CPEB1: variants seen among roughly 807,000 people sequenced by gnomAD.
CPEB1 encodes cytoplasmic polyadenylation element binding protein 1, also known as cytoplasmic polyadenylation element-binding protein 1.
Under a neutral mutation model 65.8 loss-of-function variants are expected in CPEB1, and 7 were observed. The ratio of observed to expected loss-of-function variants is 0.11; its 90% confidence interval spans 0.06 to 0.20. The LOEUF is 0.20. CPEB1 is among the 10% of genes least tolerant of loss of function. The probability of loss-of-function intolerance (pLI) is 1.00; values close to 1 mark genes in which losing one functional copy is unlikely to be tolerated. For missense variants in CPEB1, 551 were observed against 712.2 expected, an observed-to-expected ratio of 0.77 and a Z score of 2.58; for synonymous variants, 262 against 260.0, an observed-to-expected ratio of 1.01 and a Z score of -0.08.
At chr15:82,620,384 C>T (rs953271033) in intron 3 of CPEB1, among the ~76,000 whole-genome samples, 5 of 149,812 alleles carry the variant, frequency 3.3e-5, no homozygotes, top group Non-Finnish European at 7.4e-5. Context: ...AAGATCACAC[C>T]ACTGCACTGT....
upstream of CPEB1, chr15:82,647,797 C>T: frequency 7.9e-7 from 1 of 1,268,600 alleles, no homozygotes; most frequent in African/African-American, 1.6e-5. Flanking sequence ...TGCGCGCGGA[C>T]CGTTAGCTAC....
intron 1 of CPEB1, among the ~76,000 whole-genome samples, chr15:82,632,077 G>C (rs963470502): frequency 6.6e-6 from 1 of 150,828 alleles, no homozygotes; most frequent in Non-Finnish European, 1.5e-5. Context: ...CGCCTCCCGG[G>C]TTCACAGGAT....
At chr15:82,578,824 G>A (rs1211208949) in intron 3 of CPEB1, among the ~76,000 whole-genome samples, 1 of 152,050 alleles carries the variant, frequency 6.6e-6, no homozygotes, top group Non-Finnish European at 1.5e-5. Context: ...AAAATTACAT[G>A]TTTTTTTGTT....
chr15:82,573,389 A>G (rs965396727), intron 3 of CPEB1, among the ~76,000 whole-genome samples: 1 of 123,634 alleles, frequency 8.1e-6, no homozygotes, highest in Non-Finnish European at 1.7e-5. Context: ...TGCTGCCCCT[A>G]CCCCTGACTA....
At chr15:82,564,510 GT>G (rs1280292907) in intron 4 of CPEB1, among the ~76,000 whole-genome samples, 1 of 151,972 alleles carries the variant, frequency 6.6e-6, no homozygotes, top group African/African-American at 2.4e-5. Context: ...AGCCAGGATG[GT>G]CTTGATCTCC....
intron 3 of CPEB1, among the ~76,000 whole-genome samples, chr15:82,595,139 T>C (rs963017368): frequency 1.2e-4 from 19 of 152,222 alleles, no homozygotes; most frequent in Non-Finnish European, 2.2e-4. Flanking sequence ...TATAAAACGC[T>C]GTATCTGTGA....
intron 12 of CPEB1, among the ~76,000 whole-genome samples, chr15:82,545,326 C>G (rs2034981492): frequency 6.6e-6 from 1 of 152,222 alleles, no homozygotes; most frequent in Non-Finnish European, 1.5e-5. Flanking sequence ...ACTTCAAACT[C>G]TCACTTGAGA....
intron 3 of CPEB1, among the ~76,000 whole-genome samples, chr15:82,582,804 T>G (rs2041418898): frequency 2.1e-5 from 3 of 145,916 alleles, no homozygotes; most frequent in Admixed American, 1.4e-4. Flanking sequence ...TGCAGTGGCG[T>G]GATCTGGACT....
intron 1 of CPEB1, chr15:82,646,924 C>A (rs2047607953): frequency 6.6e-6 from 1 of 152,524 alleles, no homozygotes; most frequent in African/African-American, 2.4e-5. Context: ...GGGCCCCAGC[C>A]GCTGCTCCGC....
chr15:82,629,077 A>C (rs943678669), intron 1 of CPEB1: 2 of 171,718 alleles, frequency 1.2e-5, no homozygotes, highest in African/African-American at 4.8e-5. Context: ...TGAACTGTAC[A>C]TTAAAGGTGA....
chr15:82,625,216 A>G (rs1040473246), intron 3 of CPEB1, among the ~76,000 whole-genome samples: 1 of 152,088 alleles, frequency 6.6e-6, no homozygotes, highest in African/African-American at 2.4e-5. Flanking sequence ...TGAACTTTTA[A>G]CTCAGCGTAA....
chr15:82,599,655 T>G (rs2042941245), intron 3 of CPEB1, among the ~76,000 whole-genome samples: 1 of 152,152 alleles, frequency 6.6e-6, no homozygotes, highest in Admixed American at 6.5e-5. Context: ...GATGGTTCTA[T>G]GGCCCCAAGA....
At chr15:82,612,508 AC>A (rs781115908) in intron 3 of CPEB1, among the ~76,000 whole-genome samples, 7 of 121,162 alleles carry the variant, frequency 5.8e-5, no homozygotes, top group African/African-American at 6.4e-5. Flanking sequence ...AAAAAAAAAA[AC>A]AAAAAAAAAA....
Position 82,601,239 on chromosome 15 carries a change from TAAAAA to T in CPEB1, c.271+25949_271+25953del, listed in dbSNP as rs77547021. ...CTTGTCACTTCTAATGTGGTTTTCT[TAAAAA>T]AAAAAAGATTTTTACACTGGGCACG... On this transcript the variant is annotated intron_variant, in intron 3 of 12. Coordinates refer to ENST00000684509, the MANE Select transcript of CPEB1 (RefSeq NM_001365242.1). Among the ~76,000 whole-genome samples, 4 of 144,482 alleles carry T rather than the reference TAAAAA, an allele frequency of 2.8e-5. No individual in the cohort carries two copies. The South Asian group carries it at 9.1e-4, about 33-fold the overall frequency. 94.8% of individuals were successfully genotyped at this position (144,482 alleles called of 152,430 possible).
intron 4 of CPEB1, 65 bp from the exon 5 acceptor site, chr15:82,558,051 T>C (rs2037542861): frequency 5.1e-6 from 6 of 1,167,232 alleles, no homozygotes; most frequent in African/African-American, 1.5e-5. Flanking sequence ...AGCCTCTTTC[T>C]TCTCCTACAG....
chr15:82,636,025 AC>A (rs2046630640), intron 1 of CPEB1, among the ~76,000 whole-genome samples: 1 of 152,190 alleles, frequency 6.6e-6, no homozygotes, highest in African/African-American at 2.4e-5. Flanking sequence ...ATCAACAGAT[AC>A]AAGATCTCCT....
chr15:82,552,759 T>C (rs2036505931), intron 8 of CPEB1, 143 bp from the exon 9 acceptor site: 2 of 890,450 alleles, frequency 2.2e-6, no homozygotes, highest in African/African-American at 1.7e-5. Flanking sequence ...AAAGTCGTGT[T>C]GAGTGGAAGC....
chr15:82,627,116 A>C, intron 3 of CPEB1, 77 bp downstream of exon 3: 1 of 1,164,524 alleles, frequency 8.6e-7, no homozygotes, highest in Non-Finnish European at 1.2e-6. Flanking sequence ...CTTTCCAAGG[A>C]AGACCTCTTA....
rs545989920 is a variant in CPEB1 at position 82,570,889 on chromosome 15, G to A, written c.460+455C>T. Among the ~76,000 whole-genome samples, 97 of 152,232 alleles carry A rather than the reference G, an allele frequency of 6.4e-4. 1 individual carries two copies. The South Asian group carries it at 7.1e-3, about 11-fold the overall frequency. On this transcript the variant is annotated intron_variant, in intron 4 of 12. Transcript: ENST00000684509. The stretch of plus-strand genomic sequence containing the variant: ...AAAATCCTTCCCTTGCCATGATTCA[G>A]AGACCACTCACTCTTCATATAACTC...
Sources: allele counts gnomAD v4.1 joint callset (sites outside exome capture counted in the v4.1 genomes callset), GRCh38; gene constraint gnomAD v4.1.1; transcripts MANE v1.5; gene names NCBI Gene and HGNC (gene_info 2026-07-23, HGNC 2026-07-21).